IQCH: variants seen among roughly 807,000 people sequenced by gnomAD.
The protein encoded by IQCH is IQ domain-containing protein H.
A neutral mutation model predicts 117.0 loss-of-function variants in IQCH; 98 were observed. The observed-to-expected ratio is 0.84, with a 90% CI of 0.71 to 0.99. IQCH has a LOEUF of 0.99. IQCH is among the 50% of genes least tolerant of loss of function. IQCH has a pLI of 0.00. For synonymous variants in IQCH, 412 were observed against 448.2 expected, an observed-to-expected ratio of 0.92 and a Z score of 1.02; for missense variants, 1,102 against 1,243.8, an observed-to-expected ratio of 0.89 and a Z score of 1.72.
At chr15:67,340,426 C>CAAAAAAAAAAAAAAA (rs57244130) in intron 5 of IQCH, among the ~76,000 whole-genome samples, 20 of 62,656 alleles carry the variant, frequency 3.2e-4, no homozygotes, top group East Asian at 9.5e-4. Context: ...TACTCCATCT[C>CAAAAAAAAAAAAAAA]AAAAAAAAAA....
chr15:67,383,582 T>A lies in IQCH; in HGVS notation c.1373-1354T>A, dbSNP rs191920258. The stretch of plus-strand genomic sequence containing the variant: ...TTTTCCTGCCTTTTTATACTCTTGC[T>A]ATATGTTATCCACAATACATCTTTC... On this transcript the variant is annotated intron_variant, in intron 10 of 20. Transcript: ENST00000335894. Among the ~76,000 whole-genome samples, 131 of 152,292 alleles carry A rather than the reference T, an allele frequency of 8.6e-4. 1 individual carries two copies. The highest frequency in any genetic ancestry group is 2.9e-3 in the African/African-American group (120 of 41,590).
chr15:67,465,422 G>T lies in IQCH; in HGVS notation c.2676+125G>T. On this transcript the variant is annotated intron_variant, in intron 17 of 20. Coordinates refer to ENST00000335894, the MANE Select transcript of IQCH (RefSeq NM_001031715.3). The surrounding 1 kb of genome is among the most constrained non-coding windows in gnomAD (Gnocchi z 5.9). ...AAGAAAGAGCCTAAGGCAAGTCATT[G>T]GACTTGTCTGAGCAGGGTCTGGAAA... is the stretch of plus-strand genomic sequence containing the variant. The T allele has an allele frequency of 9.7e-7, 1 of 1,025,844 alleles. No individual in the cohort carries two copies. The highest frequency in any genetic ancestry group is 2.4e-5 in the East Asian group (1 of 40,962). The allele number at this position is 1,025,844 out of a possible 1,614,324, so 63.5% of individuals were successfully genotyped here.
At chr15:67,304,423 A>G (rs1162590745) in intron 4 of IQCH, 5 of 1,529,690 alleles carry the variant, frequency 3.3e-6, no homozygotes, top group Non-Finnish European at 4.4e-6. Context: ...CTATGGAATC[A>G]GTTTGCCATA....
chr15:67,396,407 T>TAAGACAGCTCCAGGAATAAAA (rs1971471034), intron 13 of IQCH, among the ~76,000 whole-genome samples: 1 of 151,260 alleles, frequency 6.6e-6, no homozygotes, highest in Admixed American at 6.9e-5. Flanking sequence ...AATAAAACTG[T>TAAGACAGCTCCAGGAATAAAA]CTGTTTTCGT....
At chr15:67,305,660 A>G (rs1596144461) in intron 4 of IQCH, among the ~76,000 whole-genome samples, 1 of 152,152 alleles carries the variant, frequency 6.6e-6, no homozygotes, top group East Asian at 1.9e-4. Flanking sequence ...TAGCTGGAGG[A>G]GTACTGAGGC....
intron 8 of IQCH, among the ~76,000 whole-genome samples, chr15:67,367,852 A>G (rs56754410): frequency 0.012 from 1,764 of 152,176 alleles, 34 homozygotes; most frequent in African/African-American, 0.041. Context: ...TTATATATGG[A>G]TTTGGGTTGT....
intron 14 of IQCH, among the ~76,000 whole-genome samples, chr15:67,412,861 A>C (rs2081483906): frequency 6.6e-6 from 1 of 152,188 alleles, no homozygotes. Context: ...CATTTGTTGA[A>C]GCTCACTGAG....
chr15:67,363,675 C>A (rs1970230752), intron 8 of IQCH, among the ~76,000 whole-genome samples: 1 of 152,074 alleles, frequency 6.6e-6, no homozygotes, highest in South Asian at 2.1e-4. Context: ...AAGCATAGTA[C>A]CCAATAGCTC....
chr15:67,328,873 T>G (rs1432442368), intron 4 of IQCH, among the ~76,000 whole-genome samples: 1 of 152,118 alleles, frequency 6.6e-6, no homozygotes, highest in African/African-American at 2.4e-5. Context: ...CTGGCTGCCT[T>G]TGAGTTGTGG....
At chr15:67,487,952 G>GA (rs1555514513) in intron 18 of IQCH, among the ~76,000 whole-genome samples, 223 of 149,130 alleles carry the variant, frequency 1.5e-3, no homozygotes, top group African/African-American at 4.4e-3. Context: ...AATTTTCAAA[G>GA]GAAAAAAAAA....
chr15:67,500,722 A>C lies in IQCH; in HGVS notation c.3060A>C (p.Lys1020Asn). Residue 1020 changes from lysine (K) to asparagine (N), a missense_variant, in exon 21 of 21, where the codon AAA becomes AAC. This residue lies in a region of IQCH where 650 missense variants were observed against 794.3 expected (regional missense o/e 0.82). Coordinates refer to ENST00000335894, the MANE Select transcript of IQCH (RefSeq NM_001031715.3). The surrounding 1 kb of genome is among the most constrained non-coding windows in gnomAD (Gnocchi z 4.4). ...AGGAGCAACAGTCCAAAGATGATAA[A>C]AACCTCTCTAAACCCAAGAAATGAT... ...FEEEQQSKDD[K>N]NLSKPKK 1 of 1,581,668 alleles carries C rather than the reference A, an allele frequency of 6.3e-7. No individual in the cohort carries two copies. The highest frequency in any genetic ancestry group is 8.7e-7 in the Non-Finnish European group (1 of 1,155,732).
Position 67,404,048 on chromosome 15 carries a change from C to G in IQCH, c.2097+3743C>G, listed in dbSNP as rs918649937. ...AAATTGAACTGGCTCTTGAATGCTT[C>G]TAGTAAACATTGCTATTTTAGCCCT... is the stretch of plus-strand genomic sequence containing the variant. On this transcript the variant is annotated intron_variant, in intron 14 of 20. Coordinates refer to ENST00000335894, the MANE Select transcript of IQCH (RefSeq NM_001031715.3). This position sits in a 1 kb window ranked among gnomAD's most constrained non-coding sequence, Gnocchi z 4.6. The G allele has an allele frequency of 5.9e-5, 9 of 152,328 alleles. No homozygotes were observed. Among genetic ancestry groups the G allele is most frequent in the African/African-American group, 2.2e-4 (9 of 41,568 alleles). The allele number at this position is 152,328 out of a possible 1,614,324, so 9.4% of individuals were successfully genotyped here.
At chr15:67,482,411 A>G in intron 18 of IQCH, among the ~76,000 whole-genome samples, 1 of 152,084 alleles carries the variant, frequency 6.6e-6, no homozygotes, top group East Asian at 1.9e-4. Context: ...TTTTTTCTTT[A>G]TAGTTCATGG....
At chr15:67,263,944 T>C (rs1220310816) in intron 3 of IQCH, among the ~76,000 whole-genome samples, 1 of 151,980 alleles carries the variant, frequency 6.6e-6, no homozygotes, top group African/African-American at 2.4e-5. Context: ...TGTACTAAAC[T>C]TAAAAATCCT....
chr15:67,347,816 T>G (rs1287756582), intron 6 of IQCH, among the ~76,000 whole-genome samples: 1 of 138,686 alleles, frequency 7.2e-6, no homozygotes, highest in Non-Finnish European at 1.6e-5. Context: ...TATATATAGA[T>G]ATATATTTAT....
chr15:67,262,106 A>G (rs558335316), intron 2 of IQCH, among the ~76,000 whole-genome samples: 2 of 152,152 alleles, frequency 1.3e-5, no homozygotes, highest in African/African-American at 4.8e-5. Context: ...AAAAGTATAT[A>G]AAAAATAAGA....
At chr15:67,347,889 G>A (rs887271144) in intron 6 of IQCH, among the ~76,000 whole-genome samples, 1 of 145,802 alleles carries the variant, frequency 6.9e-6, no homozygotes, top group Non-Finnish European at 1.5e-5. Flanking sequence ...AGATATATAT[G>A]TTTATATATA....
intron 18 of IQCH, among the ~76,000 whole-genome samples, chr15:67,477,825 T>G (rs1469140534): frequency 1.3e-5 from 2 of 152,236 alleles, no homozygotes; most frequent in Non-Finnish European, 2.9e-5. Context: ...AGTGCTTCAT[T>G]ACTTTCTATT....
At chr15:67,307,287 G>C (rs1967347321) in intron 4 of IQCH, 1 of 492,802 alleles carries the variant, frequency 2.0e-6, no homozygotes, top group Non-Finnish European at 2.6e-6. Context: ...TAGATTTTAT[G>C]AGTCATATGT....
Sources: gnomAD v4.1 joint callset for allele counts (sites outside exome capture counted in the v4.1 genomes callset) on GRCh38, gnomAD v4.1.1 for gene constraint, gnomAD v4.1.1 regional missense constraint, Gnocchi (gnomAD v3.1) non-coding constraint, MANE v1.5 for transcripts, NCBI Gene and HGNC (gene_info 2026-07-23, HGNC 2026-07-21) for gene names.